FHIT: variants seen among roughly 807,000 people sequenced by gnomAD.
FHIT encodes the protein bis(5'-adenosyl)-triphosphatase.
A neutral mutation model predicts 17.9 loss-of-function variants in FHIT; 19 were observed. The ratio of observed to expected loss-of-function variants is 1.06; its 90% CI spans 0.74 to 1.56. The LOEUF is 1.56. Ranked by LOEUF, FHIT falls within the 40% of genes most tolerant of loss-of-function variation. The pLI, the probability that FHIT is intolerant of heterozygous loss-of-function variation, is 0.00. For synonymous variants in FHIT, 81 were observed against 69.7 expected, an observed-to-expected ratio of 1.16 and a Z score of -0.81; for missense variants, 248 against 189.2, an observed-to-expected ratio of 1.31 and a Z score of -1.82.
At chr3:60,771,395 C>T (rs1309219854) in intron 4 of FHIT, among the ~76,000 whole-genome samples, 1 of 152,222 alleles carries the variant, frequency 6.6e-6, no homozygotes, top group African/African-American at 2.4e-5. Context: ...TGTTAAATAT[C>T]TGGCATAGTC....
At chr3:59,957,565 C>T (rs1426677333) in intron 7 of FHIT, among the ~76,000 whole-genome samples, 1 of 152,216 alleles carries the variant, frequency 6.6e-6, no homozygotes, top group Non-Finnish European at 1.5e-5. Flanking sequence ...GGTAAGTATG[C>T]ACAAAGGTTG....
At chr3:59,939,514 G>A (rs1006798259) in intron 7 of FHIT, among the ~76,000 whole-genome samples, 1 of 152,140 alleles carries the variant, frequency 6.6e-6, no homozygotes, top group African/African-American at 2.4e-5. Context: ...AGGAGGTGAG[G>A]TGAGGTGAAT....
At chr3:60,724,504 G>A (rs1252436026) in intron 4 of FHIT, among the ~76,000 whole-genome samples, 2 of 152,072 alleles carry the variant, frequency 1.3e-5, no homozygotes, top group Non-Finnish European at 2.9e-5. Flanking sequence ...CCTAAGTGTG[G>A]AATTTCTGGG....
At chr3:60,221,024 CA>C (rs768428613) in intron 5 of FHIT, among the ~76,000 whole-genome samples, 6 of 152,102 alleles carry the variant, frequency 3.9e-5, no homozygotes, top group Admixed American at 6.5e-5. Flanking sequence ...CATGAATTAA[CA>C]ATAACACATT....
At chr3:60,741,852 G>A (rs1350514099) in intron 4 of FHIT, among the ~76,000 whole-genome samples, 5 of 152,214 alleles carry the variant, frequency 3.3e-5, no homozygotes, top group Non-Finnish European at 4.4e-5. Context: ...GTGGTATAAT[G>A]TATGGTATAA....
At chr3:60,820,759 C>G (rs149170997) in intron 4 of FHIT, among the ~76,000 whole-genome samples, 40 of 152,204 alleles carry the variant, frequency 2.6e-4, no homozygotes, top group African/African-American at 9.4e-4. Context: ...TGTTCTGGTA[C>G]ATAGGATTAT....
intron 8 of FHIT, among the ~76,000 whole-genome samples, chr3:59,908,902 A>G (rs1704726524): frequency 7.3e-6 from 1 of 136,158 alleles, no homozygotes; most frequent in Non-Finnish European, 1.6e-5. Context: ...TTGGCACTCA[A>G]ATGAACCTCA....
intron 4 of FHIT, among the ~76,000 whole-genome samples, chr3:60,590,599 A>G (rs952388802): frequency 1.1e-4 from 17 of 152,288 alleles, no homozygotes; most frequent in Non-Finnish European, 2.2e-4. Context: ...GCGGGGAATT[A>G]CTTAAGCACT....
intron 4 of FHIT, among the ~76,000 whole-genome samples, chr3:60,588,599 G>A (rs899936711): frequency 1.1e-4 from 17 of 151,988 alleles, no homozygotes; most frequent in African/African-American, 4.1e-4. Context: ...AACCTCTGGG[G>A]TGGGATCCAA....
intron 7 of FHIT, among the ~76,000 whole-genome samples, chr3:59,925,275 T>C (rs1705600908): frequency 6.6e-6 from 1 of 152,178 alleles, no homozygotes; most frequent in East Asian, 1.9e-4. Flanking sequence ...AGCTAACTTT[T>C]TTTCATATTT....
intron 5 of FHIT, among the ~76,000 whole-genome samples, chr3:60,167,135 G>A (rs1559692816): frequency 6.6e-6 from 1 of 151,954 alleles, no homozygotes; most frequent in African/African-American, 2.4e-5. Context: ...TAAGAGTTCT[G>A]CCTCATTAAC....
chr3:60,700,017 GC>G (rs1444469214), intron 4 of FHIT, among the ~76,000 whole-genome samples: 2 of 151,614 alleles, frequency 1.3e-5, no homozygotes, highest in Non-Finnish European at 2.9e-5. Context: ...TGTAATCCCA[GC>G]TTCTCAGGAG....
chr3:60,983,645 G>C (rs1710590068), intron 3 of FHIT, among the ~76,000 whole-genome samples: 1 of 152,152 alleles, frequency 6.6e-6, no homozygotes, highest in Non-Finnish European at 1.5e-5. Flanking sequence ...GTAACCATGA[G>C]AGCAGCACAA....
intron 3 of FHIT, among the ~76,000 whole-genome samples, chr3:60,844,402 A>G (rs1294797302): frequency 6.6e-6 from 1 of 152,092 alleles, no homozygotes; most frequent in Non-Finnish European, 1.5e-5. Flanking sequence ...CCCTACACAC[A>G]TAAACCCACA....
At chr3:60,210,637 A>T (rs569044444) in intron 5 of FHIT, among the ~76,000 whole-genome samples, 17 of 152,314 alleles carry the variant, frequency 1.1e-4, no homozygotes, top group African/African-American at 4.1e-4. Flanking sequence ...GGCCTTAAAC[A>T]TAAGAAAATA....
At chr3:60,574,548 C>G (rs72885788) in intron 4 of FHIT, among the ~76,000 whole-genome samples, 1,971 of 152,060 alleles carry the variant, frequency 0.013, 51 homozygotes, top group African/African-American at 0.045. Flanking sequence ...GGAGCACTCA[C>G]GCATTCTATA....
intron 5 of FHIT, among the ~76,000 whole-genome samples, chr3:60,359,807 GC>G (rs1221258860): frequency 1.3e-5 from 2 of 152,054 alleles, no homozygotes; most frequent in Non-Finnish European, 2.9e-5. Flanking sequence ...AGCATCACAG[GC>G]AAAGGTCCCA....
chr3:60,690,957 A>T (rs571764522), intron 4 of FHIT, among the ~76,000 whole-genome samples: 62 of 152,138 alleles, frequency 4.1e-4, no homozygotes, highest in African/African-American at 1.4e-3. Context: ...CCAAAAAAAA[A>T]ATATCTGATT....
chr3:60,405,396 G>T (rs947020860), intron 5 of FHIT, among the ~76,000 whole-genome samples: 1 of 152,124 alleles, frequency 6.6e-6, no homozygotes, highest in Non-Finnish European at 1.5e-5. Context: ...GATACATGGG[G>T]GACTTTCCCG....
Sources: gnomAD v4.1 joint callset for allele counts (sites outside exome capture counted in the v4.1 genomes callset) on GRCh38, gnomAD v4.1.1 for gene constraint, MANE v1.5 for transcripts, NCBI Gene and HGNC (gene_info 2026-07-23, HGNC 2026-07-21) for gene names.